Variants in ASXL3 observed in about 807,000 individuals in gnomAD.
ASXL3 encodes putative Polycomb group protein ASXL3.
Under a neutral mutation model 170.6 loss-of-function variants are expected in ASXL3, and 34 were observed. The observed-to-expected ratio is 0.20, with a 90% confidence interval of 0.15 to 0.27. ASXL3 has a LOEUF of 0.27. Ranked by LOEUF, ASXL3 falls within the 10% of genes least tolerant of loss-of-function variation. ASXL3 has a pLI of 1.00. For synonymous variants in ASXL3, 1,002 were observed against 989.1 expected (o/e 1.01, Z -0.24); for missense variants, 2,592 against 2,695.3 (o/e 0.96, Z 0.85).
chr18:33,706,898 A>G (rs1199569860), intron 8 of ASXL3, among the ~76,000 whole-genome samples: 1 of 151,906 alleles, frequency 6.6e-6, no homozygotes, highest in East Asian at 1.9e-4. Context: ...TACTTATGCT[A>G]CATTTAGATT....
intron 7 of ASXL3, among the ~76,000 whole-genome samples, chr18:33,677,740 G>A (rs1018594027): frequency 3.3e-5 from 5 of 152,202 alleles, no homozygotes; most frequent in African/African-American, 1.2e-4. Context: ...AATGGACTCA[G>A]TGCTCCATGT....
Position 33,739,851 on chromosome 18 carries a change from C to T in ASXL3, c.2447C>T (p.Ser816Phe), listed in dbSNP as rs557994467. Reference sequence around the variant, plus strand: ...CCCGAACCCATCATAATGAGTTCTTCTTCCATTGCTCCTGAAGCATTTCCG... The same window carrying T: ...CCCGAACCCATCATAATGAGTTCTTTTTCCATTGCTCCTGAAGCATTTCCG... ...NTPEPIIMSS[S>F]SIAPEAFPSE... Residue 816 changes from serine to phenylalanine, a missense_variant, in exon 11 of 12, where the codon TCT becomes TTT. Ser to Phe is a radical substitution (Grantham distance 155). Transcript: ENST00000269197. 123 of 1,613,852 alleles carry T rather than the reference C, an allele frequency of 7.6e-5. 1 individual carries two copies. The South Asian group carries it at 1.2e-3, about 16-fold the overall frequency.
At chr18:33,689,816 G>C (rs1388546197) in intron 8 of ASXL3, among the ~76,000 whole-genome samples, 1 of 152,096 alleles carries the variant, frequency 6.6e-6, no homozygotes, top group Non-Finnish European at 1.5e-5. Context: ...TTTAAACTGT[G>C]TAAATATCCT....
Position 33,661,637 on chromosome 18 carries a change from A to T in ASXL3, c.377A>T (p.Asp126Val). Residue 126 changes from aspartate to valine, a missense_variant, in exon 5 of 12, where the codon GAT (aspartate) becomes GTT (valine). Around this residue, in one of 4 missense-constraint regions of ASXL3, gnomAD observed 251 missense variants for 281.9 expected, o/e 0.89. Coordinates refer to ENST00000269197, the MANE Select transcript of ASXL3 (RefSeq NM_030632.3). The stretch of plus-strand genomic sequence containing the variant: ...CTAGTTTGTTCGAAGCAGGTAACTG[A>T]TGAAGCATCTTCCACTCGAGATTCA... ...ENGVCSKQVT[D>V]EASSTRDSSL... is the part of the protein sequence containing the mutation. 6.2e-7 allele frequency: 1 copy of T among 1,611,718 alleles called. No homozygotes were observed. Among genetic ancestry groups the T allele is most frequent in the Non-Finnish European group, 8.5e-7 (1 of 1,178,792 alleles).
chr18:33,685,124 T>C (rs1233927215), intron 8 of ASXL3, among the ~76,000 whole-genome samples: 1 of 152,162 alleles, frequency 6.6e-6, no homozygotes. Context: ...AGACCATTAC[T>C]TTTTAAGGAA....
chr18:33,655,020 G>C (rs2066060635), intron 4 of ASXL3, among the ~76,000 whole-genome samples: 1 of 152,028 alleles, frequency 6.6e-6, no homozygotes, highest in East Asian at 1.9e-4. Flanking sequence ...GTTACCTTTG[G>C]AGCTTCAGTG....
chr18:33,602,593 T>C (rs1457424833), intron 1 of ASXL3, among the ~76,000 whole-genome samples: 2 of 152,152 alleles, frequency 1.3e-5, no homozygotes, highest in African/African-American at 4.8e-5. Flanking sequence ...TTTGTAATAA[T>C]GGAAAGCCCC....
intron 10 of ASXL3, among the ~76,000 whole-genome samples, chr18:33,736,844 C>T (rs760264176): frequency 4.6e-5 from 7 of 151,902 alleles, no homozygotes; most frequent in African/African-American, 9.7e-5. Flanking sequence ...TCTATTTTTC[C>T]GTGAAAATAA....
At chr18:33,662,539 G>C (rs1203611653) in intron 5 of ASXL3, among the ~76,000 whole-genome samples, 1 of 152,180 alleles carries the variant, frequency 6.6e-6, no homozygotes, top group East Asian at 1.9e-4. Context: ...ACTGGCAAAT[G>C]CTAAATTGTG....
At chr18:33,671,928 T>G in intron 7 of ASXL3, 62 bp downstream of exon 7, 1 of 1,395,496 alleles carries the variant, frequency 7.2e-7, no homozygotes, top group East Asian at 2.6e-5. Context: ...TCAAATAAAT[T>G]ATCTAAAATT....
intron 8 of ASXL3, among the ~76,000 whole-genome samples, chr18:33,707,158 C>A (rs2066974138): frequency 6.6e-6 from 1 of 151,874 alleles, no homozygotes; most frequent in Non-Finnish European, 1.5e-5. Flanking sequence ...AGCTTGATAT[C>A]TTGTAGAGGT....
intron 1 of ASXL3, among the ~76,000 whole-genome samples, chr18:33,584,830 G>T (rs2065022756): frequency 6.6e-6 from 1 of 151,892 alleles, no homozygotes; most frequent in African/African-American, 2.4e-5. Context: ...GTGTGTCTGT[G>T]CATGCACACA....
At chr18:33,610,639 G>T (rs1353750843) in intron 2 of ASXL3, among the ~76,000 whole-genome samples, 1 of 151,880 alleles carries the variant, frequency 6.6e-6, no homozygotes, top group Non-Finnish European at 1.5e-5. Context: ...CTCCTTAAGG[G>T]CAGGGTACCT....
rs1432456447 is a variant in ASXL3, at chr18:33,739,785, G to A, written c.2381G>A (p.Gly794Glu). ...TCTTCCGCCACTGCCAAACCTCTGG[G>A]AGAGAACCTTACCTCCCAGCAGAAG... Reference protein sequence around the residue: ...DESSATAKPLGENLTSQQKNL... With the variant: ...DESSATAKPLEENLTSQQKNL... The change falls in exon 11 of 12, where the codon GGA (glycine) becomes GAA (glutamate). Residue 794 changes from glycine to glutamate, a missense_variant. This residue lies in a region of ASXL3 where 2,246 missense variants were observed against 2,219.6 expected (regional missense o/e 1.01). Coordinates refer to ENST00000269197, the MANE Select transcript of ASXL3 (RefSeq NM_030632.3). 2 of 1,613,832 alleles carry A rather than the reference G, an allele frequency of 1.2e-6. No homozygotes were observed. The highest frequency in any genetic ancestry group is 1.7e-5 in the Admixed American group (1 of 60,002).
chr18:33,625,449 A>G (rs1467799503), intron 2 of ASXL3, among the ~76,000 whole-genome samples: 5 of 152,186 alleles, frequency 3.3e-5, no homozygotes, highest in African/African-American at 1.2e-4. Flanking sequence ...AAACTACTTC[A>G]TATTACTAAG....
chr18:33,606,609 T>A (rs1457642699), intron 1 of ASXL3, among the ~76,000 whole-genome samples: 2 of 152,020 alleles, frequency 1.3e-5, no homozygotes, highest in Non-Finnish European at 2.9e-5. Flanking sequence ...TAATTATGAT[T>A]CTTCCAATAA....
At chr18:33,729,879 G>T (rs1261490423) in intron 8 of ASXL3, among the ~76,000 whole-genome samples, 3 of 152,028 alleles carry the variant, frequency 2.0e-5, no homozygotes, top group Admixed American at 1.3e-4. Context: ...ACCAAGAGAT[G>T]TCCCAGGGAA....
intron 1 of ASXL3, among the ~76,000 whole-genome samples, chr18:33,586,443 T>C (rs933930728): frequency 1.3e-5 from 2 of 152,096 alleles, no homozygotes; most frequent in Admixed American, 6.6e-5. Context: ...ACCTTGCAGT[T>C]AGAAATTGTT....
intron 1 of ASXL3, among the ~76,000 whole-genome samples, chr18:33,599,483 T>G (rs1183479700): frequency 6.6e-6 from 1 of 152,202 alleles, no homozygotes; most frequent in East Asian, 1.9e-4. Context: ...TGTTTAGCTC[T>G]GTCATGAATA....
Sources: gnomAD v4.1 joint callset for allele counts (sites outside exome capture counted in the v4.1 genomes callset) on GRCh38, gnomAD v4.1.1 for gene constraint, gnomAD v4.1.1 regional missense constraint, MANE v1.5 for transcripts, NCBI Gene and HGNC (gene_info 2026-07-23, HGNC 2026-07-21) for gene names.